CARM1: variants seen among roughly 807,000 people sequenced by gnomAD.
The protein encoded by CARM1 is coactivator associated arginine methyltransferase 1, also known as histone-arginine methyltransferase CARM1.
A neutral mutation model predicts 72.7 loss-of-function variants in CARM1; 14 were observed. The observed-to-expected ratio is 0.19, with a 90% CI of 0.13 to 0.30. The LOEUF (loss-of-function observed/expected upper bound fraction) is 0.30, where lower values mean the gene tolerates loss of function less well. Ranked by LOEUF, CARM1 falls within the 10% of genes least tolerant of loss-of-function variation. The pLI, the probability that CARM1 is intolerant of heterozygous loss-of-function variation, is 1.00. For synonymous variants in CARM1, 333 were observed against 345.5 expected (o/e 0.96, Z 0.40); for missense variants, 432 against 833.7 (o/e 0.52, Z 5.93).
rs919075095 is a variant in CARM1 at position 10,915,084 on chromosome 19, G to T, written c.847+1030G>T. Among the ~76,000 whole-genome samples the T allele has an allele frequency of 6.6e-6, 1 of 152,180 alleles. No homozygotes were observed. The highest frequency in any genetic ancestry group is 6.5e-5 in the Admixed American group (1 of 15,286). ...GGTGGGGCTTGTGCAGGCAGGGGCA[G>T]GGGGGAAGCTTCCACTCTCATCTCT... On this transcript the variant is annotated intron_variant, in intron 6 of 15. Transcript: ENST00000327064. The surrounding 1 kb of genome is among the most constrained non-coding windows in gnomAD (Gnocchi z 4.6).
At position 10,902,352 on chromosome 19, in the gene CARM1, G is replaced by A. The variant is rs7258995; in HGVS notation, c.221-2599G>A. Among the ~76,000 whole-genome samples the A allele has an allele frequency of 9.6e-3, 1,347 of 140,198 alleles. 24 individuals are homozygous for A. Among genetic ancestry groups the A allele is most frequent in the African/African-American group, 0.035 (1,292 of 37,082 alleles). The allele number at this position is 140,198 out of a possible 152,430, so 92.0% of individuals were successfully genotyped here. On this transcript the variant is annotated intron_variant, in intron 1 of 15. Transcript: ENST00000327064. ...TCTGTTGCCCAGGCTGGAGTACAGT[G>A]GTGTGATCTTGGCTCACTGCAAGCT... is the stretch of plus-strand genomic sequence containing the variant.
In CARM1 at chr19:10,915,319, G is replaced by A. The variant is rs2074186622; in HGVS notation, c.848-1088G>A. ...CAGCAGAGAGGGCCCCTCCCGATGG[G>A]ACATGAAGCCAGATGGCAGTCAGGC... On this transcript the variant is annotated intron_variant, in intron 6 of 15. Coordinates refer to ENST00000327064, the MANE Select transcript of CARM1 (RefSeq NM_199141.2). This position sits in a 1 kb window ranked among gnomAD's most constrained non-coding sequence, Gnocchi z 4.6. 1.3e-5 allele frequency among the ~76,000 whole-genome samples: 2 copies of A among 152,134 alleles called. No individual in the cohort carries two copies. Among genetic ancestry groups the A allele is most frequent in the Admixed American group, 1.3e-4 (2 of 15,274 alleles).
chr19:10,892,609 G>A (rs2073996108), intron 1 of CARM1, among the ~76,000 whole-genome samples: 1 of 152,236 alleles, frequency 6.6e-6, no homozygotes, highest in African/African-American at 2.4e-5. Context: ...TTGATCTGTT[G>A]CTGATGATGG....
chr19:10,907,960 C>T (rs2074116878), intron 2 of CARM1, 79 bp from the exon 3 acceptor site: 5 of 835,440 alleles, frequency 6.0e-6, no homozygotes, highest in Non-Finnish European at 1.0e-5. Context: ...GGACATACGG[C>T]CATCCAGAAC....
intron 4 of CARM1, among the ~76,000 whole-genome samples, chr19:10,910,227 A>G (rs1332400688): frequency 6.6e-6 from 1 of 152,246 alleles, no homozygotes; most frequent in Non-Finnish European, 1.5e-5. Flanking sequence ...CTGTAATCCC[A>G]GCACTTTGGG....
intron 1 of CARM1, among the ~76,000 whole-genome samples, chr19:10,878,931 C>T (rs1170074109): frequency 6.6e-6 from 1 of 152,054 alleles, no homozygotes; most frequent in East Asian, 1.9e-4. Context: ...CTCAGCCTCC[C>T]AAGTATCTGG....
intron 1 of CARM1, among the ~76,000 whole-genome samples, chr19:10,874,255 ACATT>A (rs1227519030): frequency 6.6e-6 from 1 of 152,126 alleles, no homozygotes; most frequent in African/African-American, 2.4e-5. Context: ...CTGACCGGAA[ACATT>A]CATAAAAAGG....
chr19:10,893,488 G>A (rs187621207), intron 1 of CARM1, among the ~76,000 whole-genome samples: 195 of 152,194 alleles, frequency 1.3e-3, no homozygotes, highest in African/African-American at 4.2e-3. Context: ...ACAGGCACCC[G>A]CTACCACGCC....
chr19:10,894,130 T>C (rs1390385150), intron 1 of CARM1, among the ~76,000 whole-genome samples: 2 of 152,168 alleles, frequency 1.3e-5, no homozygotes, highest in Non-Finnish European at 2.9e-5. Context: ...GAATCTGAAT[T>C]GGGCCTGGTC....
Position 10,912,940 on chromosome 19 carries a change from C to T in CARM1, c.669+646C>T, listed in dbSNP as rs1211593445. Among the ~76,000 whole-genome samples, 1 of 152,194 alleles carries T rather than the reference C, an allele frequency of 6.6e-6. No individual in the cohort carries two copies. The highest frequency in any genetic ancestry group is 1.5e-5 in the Non-Finnish European group (1 of 68,022). On this transcript the variant is annotated intron_variant, in intron 5 of 15. Coordinates refer to ENST00000327064, the MANE Select transcript of CARM1 (RefSeq NM_199141.2). This position sits in a 1 kb window ranked among gnomAD's most constrained non-coding sequence, Gnocchi z 4.5. Reference sequence around the variant, plus strand: ...TGCGGTTGTGTCTGTAGGACACACCCTAGCCCTGGAATCGCTGGGTTGGGG... The same window carrying T: ...TGCGGTTGTGTCTGTAGGACACACCTTAGCCCTGGAATCGCTGGGTTGGGG...
chr19:10,913,890 G>A lies in CARM1; in HGVS notation c.683G>A (p.Ser228Asn), dbSNP rs751928120. 1.2e-6 allele frequency: 2 copies of A among 1,613,004 alleles called. No individual in the cohort carries two copies. Among genetic ancestry groups the A allele is most frequent in the Non-Finnish European group, 1.7e-6 (2 of 1,179,740 alleles). The part of the protein sequence containing the change: ...MAQHAEVLVK[S>N]NNLTDRIVVI... ...GCCCGCCTGCAGGTCTTGGTGAAGA[G>A]TAACAACCTGACGGACCGCATCGTG... The change falls in exon 6 of 16, where the codon AGT (serine) becomes AAT (asparagine). Residue 228 changes from serine to asparagine, a missense_variant. Coordinates refer to ENST00000327064, the MANE Select transcript of CARM1 (RefSeq NM_199141.2).
intron 1 of CARM1, among the ~76,000 whole-genome samples, chr19:10,899,033 GTTTT>G (rs34563725): frequency 8.5e-6 from 1 of 117,432 alleles, no homozygotes. Flanking sequence ...GGCTTAGCTT[GTTTT>G]TTTTTTTTTT....
At chr19:10,875,324 C>G (rs2073854746) in intron 1 of CARM1, among the ~76,000 whole-genome samples, 1 of 151,884 alleles carries the variant, frequency 6.6e-6, no homozygotes, top group South Asian at 2.1e-4. Context: ...CTTGTGTCCT[C>G]TTTTTTCCTT....
chr19:10,904,810 T>A, intron 1 of CARM1, 141 bp from the exon 2 acceptor site: 2 of 1,089,260 alleles, frequency 1.8e-6, no homozygotes, highest in South Asian at 2.9e-5. Context: ...CACCCGGCAA[T>A]GCTGCCAGGG....
At chr19:10,888,400 C>T (rs145916329) in intron 1 of CARM1, among the ~76,000 whole-genome samples, 1 of 152,176 alleles carries the variant, frequency 6.6e-6, no homozygotes, top group African/African-American at 2.4e-5. Context: ...AGACTGTCAT[C>T]GCTCTGTTGC....
At position 10,920,521 on chromosome 19, in the gene CARM1, G is replaced by A. The variant is rs769775409; in HGVS notation, c.1282G>A (p.Ala428Thr). 6.8e-6 allele frequency: 11 copies of A among 1,613,796 alleles called. No individual in the cohort carries two copies. The highest frequency in any genetic ancestry group is 2.7e-5 in the African/African-American group (2 of 74,868). ...VRCLFQSPLF[A>T]KAGDTLSGTC... Reference sequence around the variant, plus strand: ...GTGCCTGTTCCAGTCACCACTGTTCGCCAAGGCAGGGGACACGCTCTCAGG... The same window carrying A: ...GTGCCTGTTCCAGTCACCACTGTTCACCAAGGCAGGGGACACGCTCTCAGG... The change falls in exon 11 of 16, where the codon GCC becomes ACC. Residue 428 changes from alanine (A) to threonine (T), a missense_variant. Ala to Thr is a moderately conservative substitution (Grantham distance 58). Transcript: ENST00000327064. This position sits in a 1 kb window ranked among gnomAD's most constrained non-coding sequence, Gnocchi z 5.3.
rs1173812039 is a variant in CARM1 at position 10,916,433 on chromosome 19, G to A, written c.874G>A (p.Val292Ile). ...SGNMFPTIGDVHLAPFTDEQL... is the reference protein window; with the variant it reads ...SGNMFPTIGDIHLAPFTDEQL... ...AAACATGTTTCCTACCATTGGTGAC[G>A]TCCACCTTGCACCCTTCACGGATGA... Residue 292 changes from valine (V) to isoleucine (I), a missense_variant, in exon 7 of 16, where the codon GTC (valine) becomes ATC (isoleucine). Transcript: ENST00000327064. The surrounding 1 kb of genome is among the most constrained non-coding windows in gnomAD (Gnocchi z 4.4). 4.3e-6 allele frequency: 7 copies of A among 1,613,624 alleles called. No individual in the cohort carries two copies. Among genetic ancestry groups the A allele is most frequent in the South Asian group, 1.1e-5 (1 of 91,086 alleles).
Position 10,916,611 on chromosome 19 carries a change from G to T in CARM1, c.939-85G>T. On this transcript the variant is annotated intron_variant, in intron 7 of 15. Transcript: ENST00000327064. This position sits in a 1 kb window ranked among gnomAD's most constrained non-coding sequence, Gnocchi z 4.4. Reference sequence around the variant, plus strand: ...TTTCTGAAAGACTTGGGCTAGATGAGGGCTGACTGGGAGAGAAGGCAGGGC... The same window carrying T: ...TTTCTGAAAGACTTGGGCTAGATGATGGCTGACTGGGAGAGAAGGCAGGGC... 1 of 1,399,390 alleles carries T rather than the reference G, an allele frequency of 7.1e-7. No individual in the cohort carries two copies. Among genetic ancestry groups the T allele is most frequent in the South Asian group, 1.2e-5 (1 of 81,216 alleles). 86.7% of individuals were successfully genotyped at this position (1,399,390 alleles called of 1,614,324 possible).
In CARM1 at chr19:10,871,582, T is replaced by TAGCGGC. The variant is rs1480878121; in HGVS notation, c.-114_-109dup. Reference sequence around the variant, plus strand: ...GCCTGCACGGCGGCTGCGGCGGCGGTAGCGGCAGCGGCGGCGGCGGCGGCG... The same window carrying TAGCGGC: ...GCCTGCACGGCGGCTGCGGCGGCGGTAGCGGCAGCGGCAGCGGCGGCGGCGGCGGCG... On this transcript the variant is annotated 5_prime_UTR_variant, in exon 1 of 16. Transcript: ENST00000327064. This position sits in a 1 kb window ranked among gnomAD's most constrained non-coding sequence, Gnocchi z 5.6. 4 of 88,376 alleles carry TAGCGGC rather than the reference T, an allele frequency of 4.5e-5. No individual in the cohort carries two copies. The highest frequency in any genetic ancestry group is 7.6e-4 in the East Asian group (2 of 2,624). The allele number at this position is 88,376 out of a possible 1,614,324, so 5.5% of individuals were successfully genotyped here.
Sources: allele counts gnomAD v4.1 joint callset (sites outside exome capture counted in the v4.1 genomes callset), GRCh38; gene constraint gnomAD v4.1.1; non-coding constraint Gnocchi (gnomAD v3.1); transcripts MANE v1.5; gene names NCBI Gene and HGNC (gene_info 2026-07-23, HGNC 2026-07-21).